The following RPTOR variants were observed in gnomAD, a reference collection of about 807,000 sequenced individuals.
The protein encoded by RPTOR is regulatory associated protein of MTOR complex 1.
Under a neutral mutation model 169.9 loss-of-function variants are expected in RPTOR, and 21 were observed. The observed-to-expected ratio is 0.12, with a 90% CI of 0.09 to 0.18. RPTOR has a LOEUF of 0.18. Ranked by LOEUF, RPTOR falls within the 10% of genes least tolerant of loss-of-function variation. The pLI, the probability that RPTOR is intolerant of heterozygous loss-of-function variation, is 1.00. For synonymous variants in RPTOR, 732 were observed against 753.2 expected (o/e 0.97, Z 0.46); for missense variants, 1,133 against 1,855.9 (o/e 0.61, Z 7.16).
chr17:80,736,552 A>AT (rs1426450228), intron 5 of RPTOR, among the ~76,000 whole-genome samples: 7 of 152,240 alleles, frequency 4.6e-5, no homozygotes, highest in Non-Finnish European at 1.0e-4. Flanking sequence ...TCTGCCAAAA[A>AT]TGACTAACGT....
rs762841211 is a variant in RPTOR at position 80,925,449 on chromosome 17, G to A, written c.2888G>A (p.Ser963Asn). ...GTGCAGACGGGGTTCTGCGACTGGAGCGCCCGCTATTTTGCCCAGCCCGTC... is the reference window on the plus strand; with the variant it reads ...GTGCAGACGGGGTTCTGCGACTGGAACGCCCGCTATTTTGCCCAGCCCGTC... Reference protein sequence around the residue: ...ATVQTGFCDWSARYFAQPVMK... With the variant: ...ATVQTGFCDWNARYFAQPVMK... The change falls in exon 24 of 34, where the codon AGC (serine) becomes AAC (asparagine). Residue 963 changes from serine to asparagine, a missense_variant. Ser to Asn is a conservative substitution (Grantham distance 46). This residue lies in a region of RPTOR where 410 missense variants were observed against 623.7 expected (regional missense o/e 0.66). Coordinates refer to ENST00000306801, the MANE Select transcript of RPTOR (RefSeq NM_020761.3). 2 of 1,613,548 alleles carry A rather than the reference G, an allele frequency of 1.2e-6. No homozygotes were observed. The highest frequency in any genetic ancestry group is 4.5e-5 in the East Asian group (2 of 44,888).
intron 11 of RPTOR, among the ~76,000 whole-genome samples, chr17:80,854,329 A>G (rs888899628): frequency 5.9e-5 from 9 of 152,238 alleles, no homozygotes; most frequent in Admixed American, 2.0e-4. Context: ...TATGTGTTTT[A>G]TGAATTAATA....
At position 80,708,709 on chromosome 17, in the gene RPTOR, C is replaced by A. The variant is rs1210842953; in HGVS notation, c.507+710C>A. ...TGGGTGCTGACTGTCTCCCCATCCTCCAGGGTGGGAACCTTGGTCTGTCTC... is the reference window on the plus strand; with the variant it reads ...TGGGTGCTGACTGTCTCCCCATCCTACAGGGTGGGAACCTTGGTCTGTCTC... On this transcript the variant is annotated intron_variant, in intron 4 of 33. Transcript: ENST00000306801. The surrounding 1 kb of genome is among the most constrained non-coding windows in gnomAD (Gnocchi z 4.2). Among the ~76,000 whole-genome samples the A allele has an allele frequency of 1.3e-5, 2 of 152,086 alleles. No individual in the cohort carries two copies. Among genetic ancestry groups the A allele is most frequent in the Non-Finnish European group, 2.9e-5 (2 of 68,016 alleles).
chr17:80,696,693 G>A (rs1315257675), intron 3 of RPTOR, among the ~76,000 whole-genome samples: 1 of 152,236 alleles, frequency 6.6e-6, no homozygotes, highest in East Asian at 1.9e-4. Context: ...TGGACTTGCA[G>A]CAGGGATGCC....
At chr17:80,741,829 G>A (rs1255605077) in intron 5 of RPTOR, among the ~76,000 whole-genome samples, 1 of 152,192 alleles carries the variant, frequency 6.6e-6, no homozygotes, top group African/African-American at 2.4e-5. Context: ...GTCGAGGCCT[G>A]CGTTCGGTGG....
intron 1 of RPTOR, among the ~76,000 whole-genome samples, chr17:80,584,950 T>A (rs907648654): frequency 2.6e-5 from 4 of 152,196 alleles, no homozygotes; most frequent in Non-Finnish European, 5.9e-5. Context: ...TTGTATGGAT[T>A]CATAAAATAT....
chr17:80,963,091 G>A, intron 33 of RPTOR, 34 bp downstream of exon 33: 1 of 1,100,548 alleles, frequency 9.1e-7, no homozygotes, highest in African/African-American at 1.6e-5. Flanking sequence ...TCGGGGGTCG[G>A]GGGCTGGGGT....
chr17:80,566,438 C>T (rs1236019233), intron 1 of RPTOR, among the ~76,000 whole-genome samples: 3 of 152,012 alleles, frequency 2.0e-5, no homozygotes. Context: ...TATATGTACA[C>T]ATAAATAAAA....
intron 13 of RPTOR, among the ~76,000 whole-genome samples, chr17:80,876,127 G>A (rs2068108481): frequency 7.1e-6 from 1 of 140,228 alleles, no homozygotes. Context: ...GTGCTGCCCA[G>A]GATGTGTGTG....
intron 13 of RPTOR, chr17:80,858,189 G>A (rs746255003): frequency 4.9e-5 from 21 of 426,958 alleles, no homozygotes. Flanking sequence ...CCTGCACTCA[G>A]TCCCCCTGCC....
intron 1 of RPTOR, chr17:80,593,575 A>T (rs1406386970): frequency 6.5e-6 from 1 of 154,374 alleles, no homozygotes; most frequent in African/African-American, 2.4e-5. Flanking sequence ...TCAAAAGACT[A>T]CGTATACATG....
intron 3 of RPTOR, among the ~76,000 whole-genome samples, chr17:80,660,658 G>C (rs1000369139): frequency 6.6e-6 from 1 of 152,058 alleles, no homozygotes. Flanking sequence ...TGCGGCAAGG[G>C]ACTAACAAGG....
intron 5 of RPTOR, among the ~76,000 whole-genome samples, chr17:80,742,776 A>G (rs1240822450): frequency 2.6e-5 from 4 of 152,112 alleles, no homozygotes; most frequent in East Asian, 1.9e-4. Flanking sequence ...GCACATGTAT[A>G]CATGTGCATA....
intron 20 of RPTOR, among the ~76,000 whole-genome samples, chr17:80,897,934 G>T (rs1159377033): frequency 1.3e-5 from 2 of 152,116 alleles, no homozygotes; most frequent in African/African-American, 4.8e-5. Context: ...TGGCTCAGGA[G>T]TGTACCCTCA....
intron 23 of RPTOR, among the ~76,000 whole-genome samples, chr17:80,924,500 G>A (rs556010413): frequency 3.3e-5 from 5 of 152,218 alleles, no homozygotes; most frequent in South Asian, 4.2e-4. Context: ...CGGCAAGAGC[G>A]GACAGGTCCC....
At chr17:80,873,410 C>T (rs2068072628) in intron 13 of RPTOR, among the ~76,000 whole-genome samples, 1 of 152,114 alleles carries the variant, frequency 6.6e-6, no homozygotes, top group Non-Finnish European at 1.5e-5. Context: ...TAATAGGAAC[C>T]AGGACGTGCT....
intron 3 of RPTOR, among the ~76,000 whole-genome samples, chr17:80,661,034 G>C (rs188556312): frequency 6.6e-5 from 10 of 152,222 alleles, no homozygotes; most frequent in African/African-American, 2.2e-4. Context: ...CATCTTTCTC[G>C]GGCTCTTTTT....
intron 6 of RPTOR, among the ~76,000 whole-genome samples, chr17:80,756,618 C>T (rs867922710): frequency 3.9e-5 from 6 of 152,082 alleles, no homozygotes; most frequent in Non-Finnish European, 7.4e-5. Flanking sequence ...CACCTTCATA[C>T]GAACCAAAAA....
At chr17:80,600,701 C>A (rs1357755623) in intron 1 of RPTOR, among the ~76,000 whole-genome samples, 1 of 152,084 alleles carries the variant, frequency 6.6e-6, no homozygotes, top group African/African-American at 2.4e-5. Flanking sequence ...GTGACGAGAC[C>A]CCAGACTTCA....
Sources: allele counts gnomAD v4.1 joint callset (sites outside exome capture counted in the v4.1 genomes callset), GRCh38; gene constraint gnomAD v4.1.1; regional missense constraint gnomAD v4.1.1; non-coding constraint Gnocchi (gnomAD v3.1); transcripts MANE v1.5; gene names NCBI Gene and HGNC (gene_info 2026-07-23, HGNC 2026-07-21).